GPC5: variants seen among roughly 807,000 people sequenced by gnomAD.
GPC5 encodes the protein glypican-5.
Under a neutral mutation model 53.9 loss-of-function variants are expected in GPC5, and 47 were observed. That is an observed-to-expected ratio of 0.87 (90% CI 0.69 to 1.11). The LOEUF (loss-of-function observed/expected upper bound fraction) is 1.11, where lower values mean the gene tolerates loss of function less well. Ranked by LOEUF, GPC5 falls within the 50% of genes most tolerant of loss-of-function variation. GPC5 has a pLI of 0.00. For missense variants in GPC5, 748 were observed against 713.1 expected (o/e 1.05, Z -0.56); for synonymous variants, 286 against 263.3 (o/e 1.09, Z -0.84).
chr13:91,902,563 T>G (rs1358351880), intron 5 of GPC5, among the ~76,000 whole-genome samples: 3 of 152,050 alleles, frequency 2.0e-5, no homozygotes, highest in Non-Finnish European at 4.4e-5. Flanking sequence ...CTGTCTATAT[T>G]TTTTGGTTTT....
At chr13:91,945,978 A>G (rs2039970932) in intron 6 of GPC5, among the ~76,000 whole-genome samples, 1 of 152,044 alleles carries the variant, frequency 6.6e-6, no homozygotes, top group Non-Finnish European at 1.5e-5. Flanking sequence ...GAAGACTCCT[A>G]TCTTGTTGGC....
At chr13:91,978,084 G>A (rs997193943) in intron 6 of GPC5, among the ~76,000 whole-genome samples, 5 of 152,148 alleles carry the variant, frequency 3.3e-5, no homozygotes, top group African/African-American at 1.2e-4. Context: ...GAGCCCAGGA[G>A]GTCGAGGCTG....
intron 2 of GPC5, among the ~76,000 whole-genome samples, chr13:91,609,661 C>T (rs1279781821): frequency 5.9e-5 from 9 of 152,166 alleles, no homozygotes. Flanking sequence ...CAAGGCCATC[C>T]CCCAAGGCTC....
At chr13:91,947,627 G>A (rs545173753) in intron 6 of GPC5, among the ~76,000 whole-genome samples, 2 of 152,328 alleles carry the variant, frequency 1.3e-5, no homozygotes, top group African/African-American at 4.8e-5. Flanking sequence ...TAATGTGCTA[G>A]TAGAGCAGTT....
chr13:92,677,774 C>T, intron 7 of GPC5, among the ~76,000 whole-genome samples: 1 of 142,460 alleles, frequency 7.0e-6, no homozygotes, highest in South Asian at 2.5e-4. Context: ...CCTGACGCCA[C>T]CCCACCCATG....
At chr13:92,517,450 T>G (rs1241991617) in intron 7 of GPC5, among the ~76,000 whole-genome samples, 1 of 152,188 alleles carries the variant, frequency 6.6e-6, no homozygotes, top group Non-Finnish European at 1.5e-5. Flanking sequence ...AGGGGCAGAC[T>G]GACACCTCAC....
chr13:91,600,167 C>T (rs955922941), intron 2 of GPC5, among the ~76,000 whole-genome samples: 30 of 152,274 alleles, frequency 2.0e-4, no homozygotes, highest in African/African-American at 6.5e-4. Context: ...ACAATACACC[C>T]GCCTTGGCCT....
At chr13:92,615,908 G>A (rs966678678) in intron 7 of GPC5, among the ~76,000 whole-genome samples, 1 of 152,114 alleles carries the variant, frequency 6.6e-6, no homozygotes, top group Non-Finnish European at 1.5e-5. Context: ...AAAAAAATTA[G>A]CCGGGCATAG....
intron 1 of GPC5, among the ~76,000 whole-genome samples, chr13:91,411,972 G>A (rs1432890686): frequency 6.6e-6 from 1 of 152,116 alleles, no homozygotes; most frequent in Non-Finnish European, 1.5e-5. Flanking sequence ...ACATTCAGTT[G>A]CTTCATAATC....
chr13:91,608,491 C>T (rs185180806), intron 2 of GPC5, among the ~76,000 whole-genome samples: 1 of 152,280 alleles, frequency 6.6e-6, no homozygotes, highest in African/African-American at 2.4e-5. Context: ...GCATATATTA[C>T]ATACATATTG....
intron 7 of GPC5, chr13:92,490,232 C>A (rs1021099649): frequency 6.5e-6 from 1 of 154,288 alleles, no homozygotes; most frequent in Non-Finnish European, 1.5e-5. Flanking sequence ...CCAGCCTGAT[C>A]CTAAGCAATC....
At chr13:92,150,296 C>T (rs2041898266) in intron 7 of GPC5, among the ~76,000 whole-genome samples, 1 of 140,272 alleles carries the variant, frequency 7.1e-6, no homozygotes, top group Non-Finnish European at 1.5e-5. Context: ...TAGAAAAATT[C>T]ACAAATAAAC....
chr13:92,052,101 T>C (rs896700619), intron 6 of GPC5, among the ~76,000 whole-genome samples: 2 of 152,236 alleles, frequency 1.3e-5, no homozygotes, highest in Non-Finnish European at 2.9e-5. Flanking sequence ...CTTGGACTTA[T>C]GCATAAGTGA....
chr13:91,791,428 C>G (rs909391159), intron 5 of GPC5, among the ~76,000 whole-genome samples: 2 of 152,140 alleles, frequency 1.3e-5, no homozygotes, highest in African/African-American at 4.8e-5. Flanking sequence ...TCCAGAGTCT[C>G]TCATTGGCTA....
intron 5 of GPC5, among the ~76,000 whole-genome samples, chr13:91,835,138 C>A (rs191959769): frequency 2.0e-5 from 3 of 152,056 alleles, no homozygotes; most frequent in South Asian, 2.1e-4. Flanking sequence ...CATATGAAAT[C>A]TCATCATCAC....
chr13:92,724,537 A>C (rs11616428), intron 7 of GPC5, among the ~76,000 whole-genome samples: 11,079 of 151,708 alleles, frequency 0.073, 825 homozygotes, highest in East Asian at 0.32. Flanking sequence ...AGCCTTACAA[A>C]AGAAAGAAAT....
At chr13:91,745,157 CAG>C in intron 4 of GPC5, among the ~76,000 whole-genome samples, 1 of 152,148 alleles carries the variant, frequency 6.6e-6, no homozygotes, top group South Asian at 2.1e-4. Context: ...ATTTTTACAA[CAG>C]GGGAAAACGA....
chr13:92,817,926 G>A (rs1877532378), intron 7 of GPC5, among the ~76,000 whole-genome samples: 1 of 151,480 alleles, frequency 6.6e-6, no homozygotes, highest in Admixed American at 6.6e-5. Context: ...TGTGGCAGCA[G>A]GACATTTTGA....
At chr13:91,696,233 C>T (rs2139829575) in intron 3 of GPC5, among the ~76,000 whole-genome samples, 1 of 152,292 alleles carries the variant, frequency 6.6e-6, no homozygotes, top group South Asian at 2.1e-4. Context: ...AAGTTTTATA[C>T]ACAACTTTTA....
Sources: allele counts gnomAD v4.1 joint callset (sites outside exome capture counted in the v4.1 genomes callset), GRCh38; gene constraint gnomAD v4.1.1; transcripts MANE v1.5; gene names NCBI Gene and HGNC (gene_info 2026-07-23, HGNC 2026-07-21).